The following PDE1C variants were observed in gnomAD, a reference collection of about 807,000 sequenced individuals.
PDE1C encodes phosphodiesterase 1C.
In PDE1C, 62 loss-of-function variants were observed where a neutral mutation model predicts 93.1. The ratio of observed to expected loss-of-function variants is 0.67; its 90% CI spans 0.54 to 0.82. PDE1C has a LOEUF of 0.82. PDE1C is among the 40% of genes least tolerant of loss of function. PDE1C has a pLI of 0.00. For synonymous variants in PDE1C, 325 were observed against 310.1 expected (o/e 1.05, Z -0.50); for missense variants, 742 against 884.6 (o/e 0.84, Z 2.04).
At chr7:31,806,926 T>C (rs1180136801) in intron 16 of PDE1C, among the ~76,000 whole-genome samples, 1 of 151,904 alleles carries the variant, frequency 6.6e-6, no homozygotes, top group Non-Finnish European at 1.5e-5. Context: ...TCAATATATC[T>C]CCTGATCTAC....
chr7:32,415,922 T>C (rs968007305), intron 1 of PDE1C, among the ~76,000 whole-genome samples: 1 of 152,170 alleles, frequency 6.6e-6, no homozygotes, highest in Non-Finnish European at 1.5e-5. Flanking sequence ...CAGGAGCTGG[T>C]TCTTAGGGAA....
chr7:31,685,535 C>T, the PDE1C span, among the ~76,000 whole-genome samples: 1 of 152,136 alleles, frequency 6.6e-6, no homozygotes, highest in African/African-American at 2.4e-5. Context: ...CTTTTCCACT[C>T]AAGTGTGGAC....
rs557487589 is a variant in PDE1C, at chr7:32,012,246, T to C, written c.128+39308A>G. Among the ~76,000 whole-genome samples the C allele has an allele frequency of 3.9e-5, 6 of 152,248 alleles. No homozygotes were observed. In the East Asian group the frequency reaches 1.2e-3, roughly 29 times the overall value. On this transcript the variant is annotated intron_variant, in intron 2 of 17. Transcript: ENST00000396191. ...AGTGAGGGCCTCTAGTGAGGAAGTT[T>C]ACAATCATGGCAGAAGGTGAAGGAA...
At chr7:31,848,395 TA>T (rs1450508888) in intron 8 of PDE1C, among the ~76,000 whole-genome samples, 1 of 152,184 alleles carries the variant, frequency 6.6e-6, no homozygotes, top group East Asian at 1.9e-4. Flanking sequence ...GGTGTTTTTT[TA>T]AAAATATGGG....
chr7:31,798,191 A>G (rs528204246), intron 16 of PDE1C, among the ~76,000 whole-genome samples: 2 of 151,948 alleles, frequency 1.3e-5, no homozygotes, highest in African/African-American at 4.8e-5. Context: ...TATATTTCAC[A>G]TTGTACATCA....
intron 2 of PDE1C, among the ~76,000 whole-genome samples, chr7:31,881,660 A>C (rs1041391771): frequency 8.5e-5 from 13 of 152,342 alleles, no homozygotes; most frequent in African/African-American, 3.1e-4. Context: ...CAATGAAAAG[A>C]GTAGAGACTT....
intron 2 of PDE1C, among the ~76,000 whole-genome samples, chr7:32,026,748 G>C (rs1423278055): frequency 6.6e-6 from 1 of 152,008 alleles, no homozygotes; most frequent in Non-Finnish European, 1.5e-5. Flanking sequence ...CCAAAACTTG[G>C]AAGCAACCAA....
chr7:31,661,410 C>T, the PDE1C span, among the ~76,000 whole-genome samples: 1 of 152,088 alleles, frequency 6.6e-6, no homozygotes, highest in Non-Finnish European at 1.5e-5. Context: ...TGGAAGAAAA[C>T]TTACATAATT....
chr7:32,212,771 A>T (rs1375555926), intron 1 of PDE1C, among the ~76,000 whole-genome samples: 1 of 151,690 alleles, frequency 6.6e-6, no homozygotes, highest in Non-Finnish European at 1.5e-5. Context: ...CTCGCCTCAC[A>T]CCCCACCTTC....
intron 3 of PDE1C, among the ~76,000 whole-genome samples, chr7:32,144,186 A>T (rs1800691538): frequency 1.3e-5 from 2 of 152,202 alleles, no homozygotes; most frequent in Non-Finnish European, 2.9e-5. Flanking sequence ...ATATCAGCTC[A>T]CAAAACCAAG....
intron 2 of PDE1C, among the ~76,000 whole-genome samples, chr7:31,912,489 C>G (rs1778479550): frequency 1.3e-5 from 2 of 152,000 alleles, no homozygotes; most frequent in African/African-American, 4.8e-5. Flanking sequence ...TGTTTGAGAT[C>G]AGCCTGGACA....
At chr7:31,673,409 GT>G in the PDE1C span, among the ~76,000 whole-genome samples, 2 of 152,054 alleles carry the variant, frequency 1.3e-5, no homozygotes, top group South Asian at 2.1e-4. Context: ...TCTATTTTCA[GT>G]CTCTTAGAAG....
At chr7:32,191,195 T>C (rs921605488) in intron 2 of PDE1C, among the ~76,000 whole-genome samples, 2 of 152,220 alleles carry the variant, frequency 1.3e-5, no homozygotes, top group African/African-American at 4.8e-5. Context: ...TAAATTCACA[T>C]GCAGTTGTAA....
At chr7:31,643,169 C>T in the PDE1C span, 2 of 1,613,966 alleles carry the variant, frequency 1.2e-6, no homozygotes, top group Non-Finnish European at 1.7e-6. Flanking sequence ...CAAAGGTCAC[C>T]TGGAAATGAT....
intron 12 of PDE1C, among the ~76,000 whole-genome samples, chr7:31,826,941 T>C (rs1336240036): frequency 6.6e-6 from 1 of 152,184 alleles, no homozygotes; most frequent in Non-Finnish European, 1.5e-5. Context: ...AGACAATATG[T>C]AAATGAATGC....
chr7:31,930,595 C>T (rs1804062318), intron 2 of PDE1C, among the ~76,000 whole-genome samples: 1 of 152,020 alleles, frequency 6.6e-6, no homozygotes, highest in Admixed American at 6.6e-5. Flanking sequence ...AATCCCAGCA[C>T]CTTGGAAGGC....
intron 1 of PDE1C, among the ~76,000 whole-genome samples, chr7:32,367,010 C>T (rs1585127796): frequency 6.6e-6 from 1 of 151,802 alleles, no homozygotes; most frequent in African/African-American, 2.4e-5. Context: ...GCCTGGGTGA[C>T]AGAGTGAGAC....
chr7:32,376,978 C>T (rs1183401646), intron 1 of PDE1C, among the ~76,000 whole-genome samples: 4 of 152,226 alleles, frequency 2.6e-5, no homozygotes, highest in Non-Finnish European at 5.9e-5. Context: ...TGAGCCACAG[C>T]GCTCGGCCGA....
At chr7:31,711,396 A>G in the PDE1C span, among the ~76,000 whole-genome samples, 2 of 152,192 alleles carry the variant, frequency 1.3e-5, no homozygotes, top group African/African-American at 4.8e-5. Flanking sequence ...AAATTCAATC[A>G]TGAAAAAACT....
Sources: allele counts gnomAD v4.1 joint callset (sites outside exome capture counted in the v4.1 genomes callset), GRCh38; gene constraint gnomAD v4.1.1; transcripts MANE v1.5; gene names NCBI Gene and HGNC (gene_info 2026-07-23, HGNC 2026-07-21).